Variants in SCFD2 observed in about 807,000 individuals in gnomAD.
The protein encoded by SCFD2 is sec1 family domain containing 2.
Under a neutral mutation model 58.9 loss-of-function variants are expected in SCFD2, and 54 were observed. That is an observed-to-expected ratio of 0.92 (90% confidence interval 0.74 to 1.15). The LOEUF (loss-of-function observed/expected upper bound fraction) is 1.15. SCFD2 is among the 50% of genes most tolerant of loss of function. The pLI is 0.00. For synonymous variants in SCFD2, 321 were observed against 335.9 expected (o/e 0.96, Z 0.49); for missense variants, 805 against 836.6 (o/e 0.96, Z 0.47).
chr4:53,103,768 TAAAAAAA>T (rs35959095), intron 5 of SCFD2, among the ~76,000 whole-genome samples: 2 of 34,028 alleles, frequency 5.9e-5, no homozygotes, highest in African/African-American at 2.7e-4. Context: ...AGTAAGGAAG[TAAAAAAA>T]AAAAAAAAAA....
chr4:53,171,217 T>C (rs1392956749), intron 4 of SCFD2, among the ~76,000 whole-genome samples: 2 of 152,228 alleles, frequency 1.3e-5, no homozygotes, highest in Non-Finnish European at 2.9e-5. Context: ...AGAGTTCTTA[T>C]TGTAAAAGGA....
chr4:52,910,893 G>A (rs536857637), intron 6 of SCFD2, among the ~76,000 whole-genome samples: 6 of 152,212 alleles, frequency 3.9e-5, no homozygotes, highest in Non-Finnish European at 7.4e-5. Flanking sequence ...AGAAGAGCAC[G>A]TTTGCTTCCC....
At chr4:53,035,683 C>T (rs1722738122) in intron 5 of SCFD2, among the ~76,000 whole-genome samples, 2 of 152,206 alleles carry the variant, frequency 1.3e-5, no homozygotes, top group Non-Finnish European at 2.9e-5. Flanking sequence ...ACAGACACTT[C>T]TCAAAAGAAG....
intron 5 of SCFD2, among the ~76,000 whole-genome samples, chr4:53,092,744 T>C (rs1724509984): frequency 6.6e-6 from 1 of 152,158 alleles, no homozygotes; most frequent in Non-Finnish European, 1.5e-5. Flanking sequence ...TCCATTTATA[T>C]AACAATCTTG....
intron 4 of SCFD2, among the ~76,000 whole-genome samples, chr4:53,176,047 TA>T (rs1727318217): frequency 6.6e-6 from 1 of 152,252 alleles, no homozygotes; most frequent in African/African-American, 2.4e-5. Context: ...ATTCAAATGA[TA>T]TTTTTTACTT....
At chr4:53,026,094 C>T (rs1395186831) in intron 5 of SCFD2, among the ~76,000 whole-genome samples, 1 of 146,734 alleles carries the variant, frequency 6.8e-6, no homozygotes, top group Admixed American at 6.7e-5. Flanking sequence ...ACAACAACAA[C>T]AAAATAAGAC....
At chr4:53,263,799 C>T (rs1343578408) in intron 4 of SCFD2, among the ~76,000 whole-genome samples, 1 of 152,170 alleles carries the variant, frequency 6.6e-6, no homozygotes, top group East Asian at 1.9e-4. Flanking sequence ...AAACTTGCCC[C>T]ATGGTTGCCT....
chr4:53,036,189 C>T (rs13125785), intron 5 of SCFD2, among the ~76,000 whole-genome samples: 1 of 151,874 alleles, frequency 6.6e-6, no homozygotes, highest in South Asian at 2.1e-4. Flanking sequence ...AGGTATTTCT[C>T]CTAATGCTAT....
chr4:53,361,751 T>C (rs540116529), intron 1 of SCFD2, among the ~76,000 whole-genome samples: 1 of 152,218 alleles, frequency 6.6e-6, no homozygotes, highest in South Asian at 2.1e-4. Context: ...ATTTTCTTTC[T>C]TAAGTTTTCC....
At chr4:53,212,480 A>AAATAAATAAATAAAT (rs1296162447) in intron 4 of SCFD2, among the ~76,000 whole-genome samples, 6 of 150,522 alleles carry the variant, frequency 4.0e-5, no homozygotes, top group Non-Finnish European at 5.9e-5. Flanking sequence ...AAAAATAAAT[A>AAATAAATAAATAAAT]AATAATAATA....
chr4:53,183,419 C>T (rs9761301), intron 4 of SCFD2, among the ~76,000 whole-genome samples: 20,033 of 151,920 alleles, frequency 0.13, 1,461 homozygotes, highest in East Asian at 0.24. Flanking sequence ...AACCAAACAC[C>T]GCATGTTCTC....
At chr4:53,271,295 C>T (rs1302761858) in intron 4 of SCFD2, among the ~76,000 whole-genome samples, 3 of 150,936 alleles carry the variant, frequency 2.0e-5, no homozygotes, top group African/African-American at 7.3e-5. Flanking sequence ...CATACATACA[C>T]ACATACAACA....
At chr4:53,128,443 T>A (rs1442851173) in intron 5 of SCFD2, among the ~76,000 whole-genome samples, 1 of 152,134 alleles carries the variant, frequency 6.6e-6, no homozygotes, top group Non-Finnish European at 1.5e-5. Context: ...ATGATGTCAT[T>A]TGTCTGGGCT....
chr4:53,031,339 GAAGGCCTCTTCTCCTCTAA>G (rs1034816629), intron 5 of SCFD2, among the ~76,000 whole-genome samples: 4 of 152,284 alleles, frequency 2.6e-5, no homozygotes, highest in African/African-American at 7.2e-5. Flanking sequence ...CCAAAAACCA[GAAGGCCTCTTCTCCTCTAA>G]AAGGCCTCTT....
intron 3 of SCFD2, among the ~76,000 whole-genome samples, chr4:53,302,845 T>C (rs944304674): frequency 3.9e-5 from 6 of 152,180 alleles, no homozygotes; most frequent in Non-Finnish European, 5.9e-5. Context: ...AAACAAGCAA[T>C]GGGGAAAGGA....
chr4:52,980,720 G>A (rs555651639), intron 5 of SCFD2, among the ~76,000 whole-genome samples: 83 of 152,206 alleles, frequency 5.5e-4, no homozygotes, highest in Admixed American at 4.6e-4. Context: ...TCCTCTTCCT[G>A]GGACACTGTT....
chr4:52,903,594 A>G lies in SCFD2; in HGVS notation c.1842+3863T>C, dbSNP rs144169688. Among the ~76,000 whole-genome samples, 50 of 152,324 alleles carry G rather than the reference A, an allele frequency of 3.3e-4. 1 individual carries two copies. The East Asian group carries it at 7.5e-3, about 23-fold the overall frequency. ...GTTTGTAAGGCCTATACAGGTGCCG[A>G]CCGCTGAGGATGCAGAAAAGAATAA... On this transcript the variant is annotated intron_variant, in intron 7 of 8. Coordinates refer to ENST00000401642, the MANE Select transcript of SCFD2 (RefSeq NM_152540.4).
At chr4:53,214,122 G>T (rs1728722908) in intron 4 of SCFD2, among the ~76,000 whole-genome samples, 1 of 152,074 alleles carries the variant, frequency 6.6e-6, no homozygotes, top group Non-Finnish European at 1.5e-5. Flanking sequence ...ACATACGTGT[G>T]CATGTGTCTT....
intron 5 of SCFD2, among the ~76,000 whole-genome samples, chr4:53,036,036 T>C (rs1210790521): frequency 3.3e-5 from 5 of 152,092 alleles, no homozygotes; most frequent in African/African-American, 1.2e-4. Flanking sequence ...ATATCGTTTT[T>C]GTTTTTATTT....
Sources: allele counts gnomAD v4.1 joint callset (sites outside exome capture counted in the v4.1 genomes callset), GRCh38; gene constraint gnomAD v4.1.1; transcripts MANE v1.5; gene names NCBI Gene and HGNC (gene_info 2026-07-23, HGNC 2026-07-21).